BTN3A2: variants seen among roughly 807,000 people sequenced by gnomAD.
BTN3A2 encodes the protein butyrophilin subfamily 3 member A2.
BTN3A2 carries 25 observed loss-of-function variants against 37.6 expected under a neutral mutation model. The observed-to-expected ratio is 0.66, with a 90% CI of 0.48 to 0.93. BTN3A2 has a LOEUF of 0.93. Ranked by LOEUF, BTN3A2 falls within the 40% of genes least tolerant of loss-of-function variation. BTN3A2 has a pLI of 0.00. For synonymous variants in BTN3A2, 122 were observed against 159.4 expected (o/e 0.77, Z 1.77); for missense variants, 266 against 410.9 (o/e 0.65, Z 3.05).
At position 26,375,898 on chromosome 6, in the gene BTN3A2, G is replaced by C; in HGVS notation, c.*136G>C. ...GAACTCATTTAGCTCACGAGTGGTC[G>C]AGTGAAGATTGAAAATTAACCTCTG... On this transcript the variant is annotated 3_prime_UTR_variant, in exon 11 of 11. Coordinates refer to ENST00000377708, the MANE Select transcript of BTN3A2 (RefSeq NM_007047.5). 1.3e-6 allele frequency: 2 copies of C among 1,525,324 alleles called. No homozygotes were observed. Among genetic ancestry groups the C allele is most frequent in the Non-Finnish European group, 1.8e-6 (2 of 1,124,640 alleles). The allele number at this position is 1,525,324 out of a possible 1,614,324, so 94.5% of individuals were successfully genotyped here. A position where few individuals can be genotyped will look rare whatever the true frequency, so the allele number is the denominator to read the frequency against.
At position 26,370,407 on chromosome 6, in the gene BTN3A2, C is replaced by A. The variant is rs1759986017; in HGVS notation, c.519C>A (p.Pro173=). The A allele has an allele frequency of 6.2e-7, 1 of 1,613,996 alleles. No homozygotes were observed. Among genetic ancestry groups the A allele is most frequent in the African/African-American group, 1.3e-5 (1 of 74,890 alleles). ...HLECRSTGWY[P]QPQIQWSNAK... is the part of the protein sequence containing the mutation. ...AGTGCAGGTCCACCGGCTGGTACCC[C>A]CAACCCCAAATACAGTGGAGCAACG... The change falls in exon 5 of 11, where the codon CCC becomes CCA. Residue 173 remains proline (P), a synonymous_variant. Transcript: ENST00000377708.
Position 26,375,788 on chromosome 6 carries a change from A to G in BTN3A2, c.*35-9A>G, listed in dbSNP as rs746181730. On this transcript the variant is annotated splice_polypyrimidine_tract_variant and intron_variant, in intron 10 of 10. Transcript: ENST00000377708. ...GCTAGAGATTCATATGTTTATCCCCATTTTTCAGGTGAGGAAATGCTTCAG... is the reference window on the plus strand; with the variant it reads ...GCTAGAGATTCATATGTTTATCCCCGTTTTTCAGGTGAGGAAATGCTTCAG... 1.3e-6 allele frequency: 2 copies of G among 1,550,204 alleles called. No homozygotes were observed. The highest frequency in any genetic ancestry group is 2.0e-5 in the Admixed American group (1 of 50,986).
At position 26,368,872 on chromosome 6, in the gene BTN3A2, T is replaced by C. The variant is rs1313846924; in HGVS notation, c.393T>C (p.Gly131=). The change falls in exon 4 of 11, where the codon GGT becomes GGC. Residue 131 remains glycine (G), a synonymous_variant. Transcript: ENST00000377708. ...AGTACTTGTGTTATTTCCAAGATGG[T>C]GACTTCTATGAAAAAGCCCTGGTGG... is the stretch of plus-strand genomic sequence containing the variant. The part of the protein sequence containing the change: ...SGKYLCYFQD[G]DFYEKALVEL... 1 of 1,589,508 alleles carries C rather than the reference T, an allele frequency of 6.3e-7. No individual in the cohort carries two copies. Among genetic ancestry groups the C allele is most frequent in the Non-Finnish European group, 8.6e-7 (1 of 1,164,080 alleles).
Position 26,377,109 on chromosome 6 carries a change from A to G in BTN3A2, c.*1347A>G. ...CGTTTGCCCAATACCAAAAGTAGAG[A>G]GTTCCCCCGATCCCGACCTAGTGCC... On this transcript the variant is annotated 3_prime_UTR_variant, in exon 11 of 11. Coordinates refer to ENST00000377708, the MANE Select transcript of BTN3A2 (RefSeq NM_007047.5). The G allele has an allele frequency of 7.6e-7, 1 of 1,321,424 alleles. No homozygotes were observed. Among genetic ancestry groups the G allele is most frequent in the Non-Finnish European group, 1.1e-6 (1 of 914,410 alleles). 81.9% of individuals were successfully genotyped at this position (1,321,424 alleles called of 1,614,324 possible).
chr6:26,375,870 G>A lies in BTN3A2; in HGVS notation c.*108G>A. Reference sequence around the variant, plus strand: ...GTATGGAAAAATAGACTGCAGAAAAGGGGAACTCATTTAGCTCACGAGTGG... The same window carrying A: ...GTATGGAAAAATAGACTGCAGAAAAAGGGAACTCATTTAGCTCACGAGTGG... On this transcript the variant is annotated 3_prime_UTR_variant, in exon 11 of 11. Transcript: ENST00000377708. 11 of 1,546,622 alleles carry A rather than the reference G, an allele frequency of 7.1e-6. No homozygotes were observed. Among genetic ancestry groups the A allele is most frequent in the Non-Finnish European group, 9.6e-6 (11 of 1,142,606 alleles).
At chr6:26,373,725 T>G (rs1224591426) in intron 8 of BTN3A2, 1 of 298,260 alleles carries the variant, frequency 3.4e-6, no homozygotes. Context: ...AGGTGCATTT[T>G]CTATGGCAGG....
At chr6:26,371,603 C>G (rs73736214) in intron 5 of BTN3A2, among the ~76,000 whole-genome samples, 4,906 of 152,152 alleles carry the variant, frequency 0.032, 82 homozygotes, top group South Asian at 0.044. Flanking sequence ...ACTTCCACTT[C>G]TAGGAATTTA....
Position 26,377,209 on chromosome 6 carries a change from C to A in BTN3A2, c.*1447C>A. 9.1e-7 allele frequency: 1 copy of A among 1,095,986 alleles called. No individual in the cohort carries two copies. Among genetic ancestry groups the A allele is most frequent in the Admixed American group, 1.7e-5 (1 of 58,064 alleles). The allele number at this position is 1,095,986 out of a possible 1,614,324, so 67.9% of individuals were successfully genotyped here. A position where few individuals can be genotyped will look rare whatever the true frequency, so the allele number is the denominator to read the frequency against. The stretch of plus-strand genomic sequence containing the variant: ...GGGGAGCCTCAGGCTGAAGTAACAT[C>A]TCTGCTTCTCCCTGCCCAGCCTGGA... On this transcript the variant is annotated 3_prime_UTR_variant, in exon 11 of 11. Coordinates refer to ENST00000377708, the MANE Select transcript of BTN3A2 (RefSeq NM_007047.5).
At chr6:26,375,374 G>C (rs1760610727) in intron 10 of BTN3A2, 1 of 400,058 alleles carries the variant, frequency 2.5e-6, no homozygotes, top group Admixed American at 4.2e-5. Context: ...GGAACCCAGA[G>C]AAAGAGGTAG....
chr6:26,375,314 A>T, intron 10 of BTN3A2: 1 of 320,748 alleles, frequency 3.1e-6, no homozygotes, highest in Non-Finnish European at 5.7e-6. Flanking sequence ...AACAGTGGGG[A>T]GCTGTCTCCA....
chr6:26,368,151 C>T (rs1759700502), intron 2 of BTN3A2, 27 bp from the exon 3 acceptor site: 3 of 1,611,406 alleles, frequency 1.9e-6, no homozygotes, highest in African/African-American at 2.7e-5. Context: ...GTCTGTCCCA[C>T]ACCTTCTGGT....
chr6:26,373,187 A>G, intron 6 of BTN3A2, 89 bp from the exon 7 acceptor site: 1 of 1,599,118 alleles, frequency 6.3e-7, no homozygotes, highest in Non-Finnish European at 8.5e-7. Context: ...GCACTGCATC[A>G]TGTTTAAGGT....
rs955055984 is a variant in BTN3A2 at position 26,375,907 on chromosome 6, T to C, written c.*145T>C. 6.2e-5 allele frequency: 94 copies of C among 1,516,646 alleles called. No individual in the cohort carries two copies. The highest frequency in any genetic ancestry group is 8.2e-5 in the Non-Finnish European group (92 of 1,117,270). 93.9% of individuals were successfully genotyped at this position (1,516,646 alleles called of 1,614,324 possible). On this transcript the variant is annotated 3_prime_UTR_variant, in exon 11 of 11. Transcript: ENST00000377708. ...TAGCTCACGAGTGGTCGAGTGAAGA[T>C]TGAAAATTAACCTCTGAGGGCCAGC...
chr6:26,365,630 A>G (rs1015959299), intron 1 of BTN3A2, among the ~76,000 whole-genome samples: 18 of 152,140 alleles, frequency 1.2e-4, no homozygotes, highest in African/African-American at 3.9e-4. Flanking sequence ...AAGGAAAGGG[A>G]GACAACATGA....
Position 26,376,048 on chromosome 6 carries a change from T to C in BTN3A2, c.*286T>C. 1 of 460,262 alleles carries C rather than the reference T, an allele frequency of 2.2e-6. No homozygotes were observed. The highest frequency in any genetic ancestry group is 3.4e-5 in the South Asian group (1 of 29,258). The allele number at this position is 460,262 out of a possible 1,614,324, so 28.5% of individuals were successfully genotyped here. The stretch of plus-strand genomic sequence containing the variant: ...GGTGAAACCCCGTCTCTACTAAAAA[T>C]ACAAAAAATAAAAAATTAGCCGGGC... On this transcript the variant is annotated 3_prime_UTR_variant, in exon 11 of 11. Transcript: ENST00000377708.
At chr6:26,369,633 G>A (rs1442687906) in intron 4 of BTN3A2, among the ~76,000 whole-genome samples, 1 of 152,128 alleles carries the variant, frequency 6.6e-6, no homozygotes, top group Non-Finnish European at 1.5e-5. Context: ...TTGATGAAGG[G>A]GCAGCAATCC....
rs1341972488 is a variant in BTN3A2 at position 26,373,107 on chromosome 6, G to T, written c.916+10G>T. 6.2e-7 allele frequency: 1 copy of T among 1,612,784 alleles called. No individual in the cohort carries two copies. ...GAAATAAGCCTAAGAGGTATCCAAC[G>T]CAAGCAGAGAATCTAAGCTCTTGGC... On this transcript the variant is annotated intron_variant, in intron 6 of 10. Coordinates refer to ENST00000377708, the MANE Select transcript of BTN3A2 (RefSeq NM_007047.5).
chr6:26,370,666 G>A lies in BTN3A2; in HGVS notation c.715+63G>A, dbSNP rs577609948. The A allele has an allele frequency of 1.2e-3, 1,973 of 1,601,600 alleles. 4 individuals carry two copies. Among genetic ancestry groups the A allele is most frequent in the Non-Finnish European group, 1.6e-3 (1,906 of 1,172,592 alleles). ...CTGTGGCAGTTGAATGAAGGGGGAT[G>A]TGTTAATATCTGTGGTCGACCTGGG... On this transcript the variant is annotated intron_variant, in intron 5 of 10. Transcript: ENST00000377708.
rs1554126684 is a variant in BTN3A2, at chr6:26,376,232, A to AAAAAAAAAAG, written c.*474_*475insAAAAAGAAAA. 430 of 136,224 alleles carry AAAAAAAAAAG rather than the reference A, an allele frequency of 3.2e-3. No individual in the cohort carries two copies. The highest frequency in any genetic ancestry group is 3.8e-3 in the African/African-American group (123 of 32,086). 8.4% of individuals were successfully genotyped at this position (136,224 alleles called of 1,614,324 possible). ...TGTCTCAAGAAAAAAAAAAAAAAAA[A>AAAAAAAAAAG]AAAAGAAAAGAAAATTAACCTCTGA... On this transcript the variant is annotated 3_prime_UTR_variant, in exon 11 of 11. Transcript: ENST00000377708.
Sources: allele counts gnomAD v4.1 joint callset (sites outside exome capture counted in the v4.1 genomes callset), GRCh38; gene constraint gnomAD v4.1.1; transcripts MANE v1.5; gene names NCBI Gene and HGNC (gene_info 2026-07-23, HGNC 2026-07-21).